The following BAZ1B variants were observed in gnomAD, a reference collection of about 807,000 sequenced individuals.
BAZ1B encodes the protein bromodomain adjacent to zinc finger domain 1B, also known as tyrosine-protein kinase BAZ1B.
Under a neutral mutation model 153.8 loss-of-function variants are expected in BAZ1B, and 22 were observed. The ratio of observed to expected loss-of-function variants is 0.14; its 90% CI spans 0.10 to 0.20. The LOEUF is 0.20. Ranked by LOEUF, BAZ1B falls within the 10% of genes least tolerant of loss-of-function variation. The pLI is 1.00. For missense variants in BAZ1B, 1,325 were observed against 1,799.3 expected (o/e 0.74, Z 4.77); for synonymous variants, 676 against 633.4 (o/e 1.07, Z -1.01).
intron 3 of BAZ1B, among the ~76,000 whole-genome samples, chr7:73,499,819 T>C (rs1790054204): frequency 6.6e-6 from 1 of 152,240 alleles, no homozygotes; most frequent in African/African-American, 2.4e-5. Flanking sequence ...ATCTGAAATC[T>C]ATCCTCTGAT....
At chr7:73,458,508 T>A (rs1172458682) in intron 13 of BAZ1B, among the ~76,000 whole-genome samples, 2 of 151,842 alleles carry the variant, frequency 1.3e-5, no homozygotes, top group African/African-American at 4.8e-5. Context: ...AAACCCCGTC[T>A]CTACAAAAAA....
At position 73,451,110 on chromosome 7, in the gene BAZ1B, ACTAAT is replaced by A. The variant is rs1230735883; in HGVS notation, c.3433-121_3433-117del. The A allele has an allele frequency of 1.3e-5, 17 of 1,270,976 alleles. No homozygotes were observed. In the African/African-American group the frequency reaches 2.4e-4, roughly 18 times the overall value. 78.7% of individuals were successfully genotyped at this position (1,270,976 alleles called of 1,614,324 possible). On this transcript the variant is annotated intron_variant, in intron 13 of 19. Coordinates refer to ENST00000339594, the MANE Select transcript of BAZ1B (RefSeq NM_032408.4). Reference sequence around the variant, plus strand: ...GAGGACACTTGCCTCCTAGAACTTCACTAATCTAAACCATTTATTCTTATAAAAGG... The same window carrying A: ...GAGGACACTTGCCTCCTAGAACTTCACTAAACCATTTATTCTTATAAAAGG...
chr7:73,459,045 G>T (rs533521109), intron 13 of BAZ1B, among the ~76,000 whole-genome samples: 1 of 151,938 alleles, frequency 6.6e-6, no homozygotes, highest in Non-Finnish European at 1.5e-5. Context: ...TCAAGAGATC[G>T]AGACCACTCT....
rs1787567071 is a variant in BAZ1B at position 73,440,478 on chromosome 7, G to C, written c.*1231C>G. The C allele has an allele frequency of 6.7e-6, 1 of 150,338 alleles. No individual in the cohort carries two copies. The highest frequency in any genetic ancestry group is 2.5e-5 in the African/African-American group (1 of 40,476). 9.3% of individuals were successfully genotyped at this position (150,338 alleles called of 1,614,324 possible). A position where few individuals can be genotyped will look rare whatever the true frequency, so the allele number is the denominator to read the frequency against. On this transcript the variant is annotated 3_prime_UTR_variant, in exon 20 of 20. Transcript: ENST00000339594. ...TTTATTACAAGTTCACCCTTTAATG[G>C]GGCCCTTCCTCTTTGAAGACAATAA...
At chr7:73,485,864 G>A (rs1323237279) in intron 6 of BAZ1B, among the ~76,000 whole-genome samples, 1 of 152,038 alleles carries the variant, frequency 6.6e-6, no homozygotes, top group Non-Finnish European at 1.5e-5. Flanking sequence ...TCCCTACTAG[G>A]ATTTATCAGT....
At chr7:73,449,180 G>A (rs1358041156) in intron 15 of BAZ1B, among the ~76,000 whole-genome samples, 4 of 152,148 alleles carry the variant, frequency 2.6e-5, no homozygotes, top group African/African-American at 7.2e-5. Context: ...ATTATGTATC[G>A]GTAAGGAAGG....
At chr7:73,454,756 T>C (rs1445389305) in intron 13 of BAZ1B, among the ~76,000 whole-genome samples, 1 of 152,224 alleles carries the variant, frequency 6.6e-6, no homozygotes, top group Non-Finnish European at 1.5e-5. Flanking sequence ...TCCCTCACAG[T>C]GAGCCTGAGT....
At chr7:73,456,851 CAGG>C (rs1171796837) in intron 13 of BAZ1B, among the ~76,000 whole-genome samples, 3 of 138,374 alleles carry the variant, frequency 2.2e-5, no homozygotes, top group Non-Finnish European at 4.6e-5. Context: ...GAAGCTGAGG[CAGG>C]AGAATCGCTT....
chr7:73,445,852 T>G (rs1787814101), intron 16 of BAZ1B, among the ~76,000 whole-genome samples: 1 of 152,064 alleles, frequency 6.6e-6, no homozygotes, highest in South Asian at 2.1e-4. Flanking sequence ...CAGAGAAAGA[T>G]ACCCATCCCC....
chr7:73,456,384 G>A (rs1330247916), intron 13 of BAZ1B, among the ~76,000 whole-genome samples: 2 of 152,136 alleles, frequency 1.3e-5, no homozygotes, highest in African/African-American at 2.4e-5. Context: ...TGGAACTGGA[G>A]AATATATTTG....
chr7:73,474,040 C>A (rs538019698), intron 7 of BAZ1B, among the ~76,000 whole-genome samples: 71 of 152,272 alleles, frequency 4.7e-4, no homozygotes, highest in African/African-American at 1.6e-3. Context: ...AAACTTACTA[C>A]AAAGCAAAGT....
At chr7:73,516,852 G>A (rs979915822) in intron 1 of BAZ1B, among the ~76,000 whole-genome samples, 24 of 142,210 alleles carry the variant, frequency 1.7e-4, no homozygotes, top group Non-Finnish European at 2.8e-4. Flanking sequence ...TTAAGTTTGT[G>A]TAACTGTTCT....
At chr7:73,510,294 T>C (rs1790526798) in intron 2 of BAZ1B, among the ~76,000 whole-genome samples, 2 of 152,156 alleles carry the variant, frequency 1.3e-5, no homozygotes, top group South Asian at 4.1e-4. Context: ...CCGGGCTTGG[T>C]GGCGAGCACC....
At chr7:73,510,274 A>C (rs1554578389) in intron 2 of BAZ1B, among the ~76,000 whole-genome samples, 2 of 151,146 alleles carry the variant, frequency 1.3e-5, no homozygotes, top group African/African-American at 2.4e-5. Context: ...CTAAAACTAC[A>C]AAAAATTATC....
chr7:73,513,173 G>A (rs1471998277), intron 1 of BAZ1B, among the ~76,000 whole-genome samples: 1 of 152,104 alleles, frequency 6.6e-6, no homozygotes, highest in African/African-American at 2.4e-5. Flanking sequence ...GGTTGGTCTT[G>A]AACTCCTGGG....
At chr7:73,447,899 C>A (rs1266544344) in intron 15 of BAZ1B, among the ~76,000 whole-genome samples, 1 of 152,144 alleles carries the variant, frequency 6.6e-6, no homozygotes, top group Non-Finnish European at 1.5e-5. Flanking sequence ...TGGTCCAAAG[C>A]CCCACCATTT....
At chr7:73,457,955 C>CCATCTGGCTG (rs1788263117) in intron 13 of BAZ1B, among the ~76,000 whole-genome samples, 1 of 152,192 alleles carries the variant, frequency 6.6e-6, no homozygotes, top group Non-Finnish European at 1.5e-5. Flanking sequence ...CACGTCTCAT[C>CCATCTGGCTG]CATCTGGCTG....
intron 3 of BAZ1B, among the ~76,000 whole-genome samples, chr7:73,501,887 A>ATTTTTT (rs200718272): frequency 7.5e-6 from 1 of 133,116 alleles, no homozygotes; most frequent in Non-Finnish European, 1.6e-5. Flanking sequence ...CTTATCAAGA[A>ATTTTTT]TTTTTTTTTT....
chr7:73,470,824 C>T (rs188901216), intron 7 of BAZ1B, among the ~76,000 whole-genome samples: 1 of 152,246 alleles, frequency 6.6e-6, no homozygotes, highest in African/African-American at 2.4e-5. Context: ...CAACCTCTGC[C>T]TCCTGGGTTC....
Sources: gnomAD v4.1 joint callset for allele counts (sites outside exome capture counted in the v4.1 genomes callset) on GRCh38, gnomAD v4.1.1 for gene constraint, MANE v1.5 for transcripts, NCBI Gene and HGNC (gene_info 2026-07-23, HGNC 2026-07-21) for gene names.